USO1: variants seen among roughly 807,000 people sequenced by gnomAD.
USO1 encodes the protein general vesicular transport factor p115.
Under a neutral mutation model 124.5 loss-of-function variants are expected in USO1, and 57 were observed. That is an observed-to-expected ratio of 0.46 (90% CI 0.37 to 0.57). The LOEUF (loss-of-function observed/expected upper bound fraction) is 0.57. Ranked by LOEUF, USO1 falls within the 20% of genes least tolerant of loss-of-function variation. The pLI, the probability that USO1 is intolerant of heterozygous loss-of-function variation, is 0.00. For synonymous variants in USO1, 369 were observed against 362.8 expected, an observed-to-expected ratio of 1.02 and a Z score of -0.19; for missense variants, 900 against 1,040.6, an observed-to-expected ratio of 0.86 and a Z score of 1.86.
At chr4:75,785,769 A>G (rs566752716) in intron 9 of USO1, among the ~76,000 whole-genome samples, 1 of 152,280 alleles carries the variant, frequency 6.6e-6, no homozygotes, top group South Asian at 2.1e-4. Flanking sequence ...TTATATTTCA[A>G]AAAATATCAA....
chr4:75,812,252 A>G lies in USO1; in HGVS notation c.2676A>G (p.Lys892=), dbSNP rs750199222. The G allele has an allele frequency of 6.8e-6, 11 of 1,609,592 alleles. No homozygotes were observed. The highest frequency in any genetic ancestry group is 1.3e-5 in the African/African-American group (1 of 74,896). ...NSTIAILQTE[K]DKLELEITDS... is the part of the protein sequence containing the mutation. ...CCATTGCCATTTTACAAACTGAGAA[A>G]GACAAACTAGAGTTGGAAATTACAG... The change falls in exon 23 of 24, where the codon AAA becomes AAG. Residue 892 remains lysine, a synonymous_variant. Transcript: ENST00000514213.
chr4:75,797,285 G>C (rs538978171), intron 13 of USO1, among the ~76,000 whole-genome samples: 66 of 151,696 alleles, frequency 4.4e-4, no homozygotes, highest in Non-Finnish European at 8.4e-4. Flanking sequence ...AACTGTATGA[G>C]ATACAGATCC....
intron 9 of USO1, among the ~76,000 whole-genome samples, chr4:75,785,855 AAGGAAAAGAAGT>A (rs1722347181): frequency 6.6e-6 from 1 of 152,148 alleles, no homozygotes; most frequent in Admixed American, 6.5e-5. Context: ...TCAAAAAAAG[AAGGAAAAGAAGT>A]AGTAAGGATA....
intron 20 of USO1, 106 bp downstream of exon 20, chr4:75,806,678 A>C: frequency 7.2e-7 from 1 of 1,395,206 alleles, no homozygotes; most frequent in Non-Finnish European, 9.5e-7. Flanking sequence ...GATGTAAGTA[A>C]AATTTAAGTT....
At chr4:75,794,958 T>C (rs1311269900) in intron 13 of USO1, among the ~76,000 whole-genome samples, 1 of 152,228 alleles carries the variant, frequency 6.6e-6, no homozygotes. Context: ...GGCATTCTCA[T>C]GTTGCTATCT....
At chr4:75,744,085 C>CT (rs568655071) in intron 1 of USO1, among the ~76,000 whole-genome samples, 6 of 151,760 alleles carry the variant, frequency 4.0e-5, no homozygotes, top group Non-Finnish European at 7.4e-5. Context: ...CCCTGTTTTT[C>CT]TTTTTTTTAT....
intron 1 of USO1, among the ~76,000 whole-genome samples, chr4:75,728,496 A>G (rs1478113150): frequency 6.6e-6 from 1 of 152,178 alleles, no homozygotes; most frequent in African/African-American, 2.4e-5. Context: ...CTAAAAATAC[A>G]AAAATTAGCT....
At chr4:75,744,786 G>T in intron 1 of USO1, 1 of 321,062 alleles carries the variant, frequency 3.1e-6, no homozygotes, top group South Asian at 2.5e-5. Flanking sequence ...TAAATGCTGT[G>T]TAAGTGTATA....
intron 19 of USO1, among the ~76,000 whole-genome samples, chr4:75,806,172 A>G (rs961284306): frequency 1.3e-5 from 2 of 151,964 alleles, no homozygotes; most frequent in Non-Finnish European, 2.9e-5. Context: ...TTTGTATTTT[A>G]GTAGAGATAG....
chr4:75,806,696 C>A, intron 20 of USO1, 124 bp downstream of exon 20: 2 of 1,274,078 alleles, frequency 1.6e-6, no homozygotes, highest in Non-Finnish European at 2.1e-6. Flanking sequence ...GTTAAGACAG[C>A]CATTTGAAAA....
chr4:75,762,140 T>A (rs1313998930), intron 4 of USO1, among the ~76,000 whole-genome samples: 1 of 150,842 alleles, frequency 6.6e-6, no homozygotes, highest in African/African-American at 2.4e-5. Flanking sequence ...ATGGTATCAC[T>A]GAGTAAGTAG....
chr4:75,742,670 A>G (rs997132264), intron 1 of USO1, among the ~76,000 whole-genome samples: 2 of 152,230 alleles, frequency 1.3e-5, no homozygotes, highest in African/African-American at 4.8e-5. Context: ...AGGGGCAAAC[A>G]TTTCTGACTT....
rs543900034 is a variant in USO1, at chr4:75,724,761, G to A, written c.-59G>A. The A allele has an allele frequency of 6.3e-6, 10 of 1,584,004 alleles. No homozygotes were observed. The East Asian group carries it at 2.2e-4, about 35-fold the overall frequency. On this transcript the variant is annotated 5_prime_UTR_variant, in exon 1 of 24. Transcript: ENST00000514213. ...GGGGCCCAGGCCCTGCGGAGGGCGG[G>A]GGAAGTTGTCTTCTTTTTTTTCCGG...
In USO1 at chr4:75,800,467, G is replaced by A; in HGVS notation, c.1680G>A (p.Met560Ile). 1.3e-6 allele frequency: 2 copies of A among 1,583,180 alleles called. No homozygotes were observed. Among genetic ancestry groups the A allele is most frequent in the Non-Finnish European group, 8.6e-7 (1 of 1,164,288 alleles). ...ATGATAACTCACTTGAGAGCTACAT[G>A]AAGTAAGTAAGGGGAAGATGGTTTT... ...YFNDNSLESY[M>I]KEKLKQLIEK... Residue 560 changes from methionine (M) to isoleucine (I), a missense_variant and splice_region_variant, in exon 15 of 24, where the codon ATG becomes ATA. Met to Ile is a conservative substitution (Grantham distance 10). Transcript: ENST00000514213.
At chr4:75,738,582 A>T (rs536003538) in intron 1 of USO1, among the ~76,000 whole-genome samples, 2 of 152,198 alleles carry the variant, frequency 1.3e-5, no homozygotes, top group African/African-American at 4.8e-5. Flanking sequence ...GCTTTAAGCA[A>T]TCCTCCCACG....
chr4:75,736,484 G>T (rs1307730534), intron 1 of USO1, among the ~76,000 whole-genome samples: 1 of 151,756 alleles, frequency 6.6e-6, no homozygotes, highest in Non-Finnish European at 1.5e-5. Context: ...TGTATTTTCA[G>T]TAGAAATGGG....
intron 20 of USO1, among the ~76,000 whole-genome samples, chr4:75,808,207 A>G (rs1297089461): frequency 2.0e-5 from 3 of 152,130 alleles, no homozygotes; most frequent in Non-Finnish European, 4.4e-5. Context: ...GAAGGTGAGA[A>G]GTTTGGAAAT....
At chr4:75,733,236 G>A (rs1720689861) in intron 1 of USO1, among the ~76,000 whole-genome samples, 1 of 151,892 alleles carries the variant, frequency 6.6e-6, no homozygotes, top group Non-Finnish European at 1.5e-5. Flanking sequence ...TCCAGCCTGG[G>A]CAACACAGTG....
intron 4 of USO1, among the ~76,000 whole-genome samples, chr4:75,765,213 A>G (rs1386081393): frequency 6.6e-6 from 1 of 152,190 alleles, no homozygotes; most frequent in Non-Finnish European, 1.5e-5. Context: ...CTGAGAGAAT[A>G]TTACTTGTCT....
Sources: allele counts gnomAD v4.1 joint callset (sites outside exome capture counted in the v4.1 genomes callset), GRCh38; gene constraint gnomAD v4.1.1; transcripts MANE v1.5; gene names NCBI Gene and HGNC (gene_info 2026-07-23, HGNC 2026-07-21).